Variants in FAAP20 observed in about 807,000 individuals in gnomAD.
FAAP20 encodes the protein FA core complex associated protein 20.
Under a neutral mutation model 16.2 loss-of-function variants are expected in FAAP20, and 12 were observed. The observed-to-expected ratio is 0.74, with a 90% CI of 0.48 to 1.20. The LOEUF is 1.20. FAAP20 is among the 50% of genes most tolerant of loss of function. FAAP20 has a pLI of 0.00. For synonymous variants in FAAP20, 141 were observed against 110.7 expected (o/e 1.27, Z -1.72); for missense variants, 288 against 245.8 (o/e 1.17, Z -1.15).
chr1:2,199,030 C>A, upstream of FAAP20: 2 of 1,242,004 alleles, frequency 1.6e-6, no homozygotes, highest in Non-Finnish European at 2.1e-6. This position sits in a 1 kb window ranked among gnomAD's most constrained non-coding sequence, Gnocchi z 4.5. Flanking sequence ...CCTTGGGCAC[C>A]GACAGCCTCC....
At chr1:2,189,879 G>A in intron 3 of FAAP20, 98 bp from the exon 4 acceptor site, 2 of 963,000 alleles carry the variant, frequency 2.1e-6, no homozygotes, top group Non-Finnish European at 3.3e-6. Context: ...TCCTGCCGCT[G>A]GAGAGGATCC....
upstream of FAAP20, chr1:2,198,778 C>G (rs1200268234): frequency 2.3e-6 from 3 of 1,288,876 alleles, no homozygotes; most frequent in African/African-American, 4.6e-5. Context: ...AGCCAAAAGG[C>G]CCGGGCAGCC....
upstream of FAAP20, chr1:2,198,832 T>C: frequency 7.8e-7 from 1 of 1,289,788 alleles, no homozygotes; most frequent in Non-Finnish European, 1.0e-6. Context: ...CCACACCTGC[T>C]GGCCCGTGGA....
At chr1:2,206,463 A>G (rs1689262615) in intron 2 of FAAP20, 1 of 152,268 alleles carries the variant, frequency 6.6e-6, no homozygotes, top group South Asian at 2.1e-4. Context: ...CTCCAGTGAA[A>G]AAACAGTTGC....
At chr1:2,209,928 C>G (rs2100768358), downstream of FAAP20, among the ~76,000 whole-genome samples, 1 of 152,344 alleles carries the variant, frequency 6.6e-6, no homozygotes, top group African/African-American at 2.4e-5. Context: ...CCAGGGAGCA[C>G]AGAACCTGTC....
chr1:2,197,530 C>A (rs1378489430), upstream of FAAP20, among the ~76,000 whole-genome samples: 1 of 152,194 alleles, frequency 6.6e-6, no homozygotes, highest in Admixed American at 6.5e-5. Flanking sequence ...AGCTGGGGGG[C>A]CCCCATCCCC....
chr1:2,192,044 C>T (rs1411741035), intron 3 of FAAP20: 3 of 985,458 alleles, frequency 3.0e-6, no homozygotes, highest in African/African-American at 1.7e-5. Flanking sequence ...TCCCCAGACC[C>T]GCCTCTGCCA....
At chr1:2,205,153 T>G in intron 3 of FAAP20, among the ~76,000 whole-genome samples, 1 of 5,658 alleles carries the variant, frequency 1.8e-4, no homozygotes, top group Non-Finnish European at 3.0e-4. Flanking sequence ...TCCCCGCCCC[T>G]CCCCCGGGCT....
At chr1:2,205,976 G>A (rs1050260978) in intron 3 of FAAP20, among the ~76,000 whole-genome samples, 1 of 152,284 alleles carries the variant, frequency 6.6e-6, no homozygotes, top group African/African-American at 2.4e-5. Flanking sequence ...GGCAGGGATG[G>A]GGACCCAGGG....
chr1:2,196,453 G>T (rs574438927), upstream of FAAP20, among the ~76,000 whole-genome samples: 1 of 152,020 alleles, frequency 6.6e-6, no homozygotes, highest in East Asian at 1.9e-4. The surrounding 1 kb of genome is among the most constrained non-coding windows in gnomAD (Gnocchi z 4.5). Flanking sequence ...ACCTACTTGG[G>T]TGGCTAAGGT....
At chr1:2,187,191 G>A (rs1251352000), downstream of FAAP20, 1 of 471,022 alleles carries the variant, frequency 2.1e-6, no homozygotes, top group South Asian at 1.6e-5. Flanking sequence ...TCAAAGTCTT[G>A]CACATCCATG....
rs1557775645 is a variant in FAAP20, at chr1:2,189,860, CCT to C, written c.471-81_471-80del. The C allele has an allele frequency of 2.9e-5, 32 of 1,088,478 alleles. 1 individual carries two copies. The highest frequency in any genetic ancestry group is 2.5e-4 in the South Asian group (20 of 78,972). 67.4% of individuals were successfully genotyped at this position (1,088,478 alleles called of 1,614,324 possible). ...GAGAGCACCGTCTGGACCTCCGGGC[CCT>C]CTCTGCTCCTGCCGCTGGAGAGGAT... is the stretch of plus-strand genomic sequence containing the variant. On this transcript the variant is annotated intron_variant, in intron 3 of 3. Coordinates refer to ENST00000378546, the MANE Select transcript of FAAP20 (RefSeq NM_182533.4).
At chr1:2,197,857 C>T (rs936617404), upstream of FAAP20, 14 of 779,252 alleles carry the variant, frequency 1.8e-5, no homozygotes, top group African/African-American at 1.8e-5. Context: ...GGGCACGTGG[C>T]GGGTGCCTCC....
At chr1:2,186,386 G>A (rs534159429), downstream of FAAP20, 417 of 174,180 alleles carry the variant, frequency 2.4e-3, 8 homozygotes, top group South Asian at 0.036. Context: ...CGTGCCTGGC[G>A]CTCAGCACGA....
chr1:2,194,790 CCGCCCCTCCA>C (rs1414714393), upstream of FAAP20: 4,670 of 1,117,612 alleles, frequency 4.2e-3, 17 homozygotes, highest in Non-Finnish European at 4.9e-3. Context: ...AGCCCCGCCC[CCGCCCCTCCA>C]GGCCCCGCCC....
downstream of FAAP20, chr1:2,185,555 C>T (rs747448007): frequency 1.4e-6 from 1 of 711,956 alleles, no homozygotes; most frequent in Middle Eastern, 3.6e-4. Flanking sequence ...TCCTAAAAAC[C>T]CCGGTAAGTT....
In FAAP20 at chr1:2,189,719, A is replaced by C; in HGVS notation, c.533T>G (p.Val178Gly). The C allele has an allele frequency of 6.2e-7, 1 of 1,609,900 alleles. No individual in the cohort carries two copies. Among genetic ancestry groups the C allele is most frequent in the Non-Finnish European group, 8.5e-7 (1 of 1,177,868 alleles). Reference protein sequence around the residue: ...AQCLAESTEDVTW With the variant: ...AQCLAESTEDGTW ...GCTCTTGGATGGCGCTCACCACGTCACGTCTTCTGTGCTTTCGGCCAAGCA... is the reference window on the plus strand; with the variant it reads ...GCTCTTGGATGGCGCTCACCACGTCCCGTCTTCTGTGCTTTCGGCCAAGCA... Residue 178 changes from valine to glycine, a missense_variant, in exon 4 of 4, where the codon GTG becomes GGG. Transcript: ENST00000378546.
intron 3 of FAAP20, chr1:2,193,336 G>A: frequency 1.9e-6 from 1 of 520,334 alleles, no homozygotes; most frequent in Non-Finnish European, 3.4e-6. Context: ...GCCTGGGGAC[G>A]CTGGTGCCAC....
downstream of FAAP20, chr1:2,185,648 G>C: frequency 9.4e-6 from 6 of 637,336 alleles, no homozygotes; most frequent in Admixed American, 1.5e-4. Flanking sequence ...AGCTGGGCCA[G>C]CCAGCTCACT....
Sources: allele counts gnomAD v4.1 joint callset (sites outside exome capture counted in the v4.1 genomes callset), GRCh38; gene constraint gnomAD v4.1.1; non-coding constraint Gnocchi (gnomAD v3.1); transcripts MANE v1.5; gene names NCBI Gene and HGNC (gene_info 2026-07-23, HGNC 2026-07-21).